The following CTSC variants were observed in gnomAD, a reference collection of about 807,000 sequenced individuals.
CTSC encodes cathepsin C.
A neutral mutation model predicts 40.9 loss-of-function variants in CTSC; 37 were observed. The ratio of observed to expected loss-of-function variants is 0.91; its 90% CI spans 0.70 to 1.19. The LOEUF (loss-of-function observed/expected upper bound fraction) is 1.19. CTSC is among the 50% of genes most tolerant of loss of function. The pLI is 0.00. For missense variants in CTSC, 594 were observed against 567.3 expected (o/e 1.05, Z -0.48); for synonymous variants, 232 against 207.4 (o/e 1.12, Z -1.02).
chr11:88,336,784 T>C (rs542277039), intron 1 of CTSC, among the ~76,000 whole-genome samples: 54 of 152,258 alleles, frequency 3.5e-4, no homozygotes, highest in Middle Eastern at 3.4e-3. Context: ...TTCTTTGTTC[T>C]AGGGGTAACC....
intron 2 of CTSC, among the ~76,000 whole-genome samples, chr11:88,334,060 TATC>T (rs1938429665): frequency 6.6e-6 from 1 of 152,264 alleles, no homozygotes; most frequent in Non-Finnish European, 1.5e-5. Flanking sequence ...CTTTGTCTTT[TATC>T]ATATTTAACA....
At chr11:88,299,797 C>T (rs1270596083) in intron 5 of CTSC, 1 of 152,258 alleles carries the variant, frequency 6.6e-6, no homozygotes, top group East Asian at 1.9e-4. Context: ...AGTAATAAAA[C>T]TGAGTATTGC....
intron 1 of CTSC, among the ~76,000 whole-genome samples, chr11:88,336,764 C>T (rs1305258274): frequency 2.0e-5 from 3 of 152,068 alleles, no homozygotes; most frequent in Admixed American, 2.0e-4. Flanking sequence ...ACCCCACCCC[C>T]TTCACTAGGT....
chr11:88,327,556 A>G (rs1938226696), intron 2 of CTSC, among the ~76,000 whole-genome samples: 4 of 152,220 alleles, frequency 2.6e-5, no homozygotes, highest in Admixed American at 2.6e-4. Context: ...TAAAGAGTGA[A>G]TAAGATTCTC....
At chr11:88,317,962 A>C (rs1259157800) in intron 2 of CTSC, among the ~76,000 whole-genome samples, 1 of 152,190 alleles carries the variant, frequency 6.6e-6, no homozygotes, top group Non-Finnish European at 1.5e-5. Context: ...CACATTCTCA[A>C]AATATCCCTT....
rs753359308 is a variant in CTSC, at chr11:88,296,302, C to A, written c.758-38G>T. 1.2e-5 allele frequency: 20 copies of A among 1,611,660 alleles called. No homozygotes were observed. The South Asian group carries it at 1.5e-4, about 12-fold the overall frequency. ...AAAAGACACATAATCCAAGAGACAT[C>A]TGAAGCCTCACAGAGAATCATGCAA... On this transcript the variant is annotated intron_variant, in intron 5 of 6. Coordinates refer to ENST00000227266, the MANE Select transcript of CTSC (RefSeq NM_001814.6).
intron 1 of CTSC, among the ~76,000 whole-genome samples, chr11:88,336,001 C>A (rs534364223): frequency 3.9e-5 from 6 of 152,070 alleles, no homozygotes; most frequent in Non-Finnish European, 7.4e-5. Context: ...AGGAATGATA[C>A]GTTTAACCTT....
rs1320599397 is a variant in CTSC at position 88,302,683 on chromosome 11, C to A, written c.642-2038G>T. ...ATGACAAAATGGAACTGAGATGAAA[C>A]AAAGAGAAAAACAACAACGATTTCT... On this transcript the variant is annotated intron_variant, in intron 4 of 6. Coordinates refer to ENST00000227266, the MANE Select transcript of CTSC (RefSeq NM_001814.6). Among the ~76,000 whole-genome samples, 10 of 124,082 alleles carry A rather than the reference C, an allele frequency of 8.1e-5. No individual in the cohort carries two copies. The East Asian group carries it at 2.1e-3, about 26-fold the overall frequency. The allele number at this position is 124,082 out of a possible 152,430, so 81.4% of individuals were successfully genotyped here. A position where few individuals can be genotyped will look rare whatever the true frequency, so the allele number is the denominator to read the frequency against.
At chr11:88,336,790 T>G (rs1393470204) in intron 1 of CTSC, among the ~76,000 whole-genome samples, 1 of 152,106 alleles carries the variant, frequency 6.6e-6, no homozygotes, top group Non-Finnish European at 1.5e-5. Context: ...GTTCTAGGGG[T>G]AACCATGTTA....
chr11:88,296,039 T>A, intron 6 of CTSC, 94 bp downstream of exon 6: 4 of 1,322,934 alleles, frequency 3.0e-6, no homozygotes, highest in Non-Finnish European at 4.4e-6. Context: ...GACACTGCGC[T>A]CTCTCTACTG....
intron 2 of CTSC, chr11:88,322,032 A>T (rs185352247): frequency 1.3e-5 from 2 of 152,238 alleles, no homozygotes; most frequent in East Asian, 3.9e-4. Context: ...CTTCATGTTT[A>T]TTGGCCACAT....
intron 4 of CTSC, among the ~76,000 whole-genome samples, chr11:88,302,906 C>T (rs1300397901): frequency 6.6e-6 from 1 of 151,982 alleles, no homozygotes; most frequent in Non-Finnish European, 1.5e-5. Context: ...TAACAAGTTA[C>T]AGTAATGCTA....
intron 4 of CTSC, among the ~76,000 whole-genome samples, chr11:88,302,103 A>G (rs1300918847): frequency 6.6e-6 from 1 of 152,154 alleles, no homozygotes; most frequent in Non-Finnish European, 1.5e-5. Context: ...CACTAGTCAC[A>G]ATGTGGTAAA....
chr11:88,312,564 A>G lies in CTSC; in HGVS notation c.319-10T>C, dbSNP rs1392083951. The G allele has an allele frequency of 1.2e-6, 2 of 1,613,934 alleles. No individual in the cohort carries two copies. The highest frequency in any genetic ancestry group is 4.5e-5 in the East Asian group (2 of 44,896). ...TGCCCTCTTCTTTATACTGCAAACA[A>G]ATAAGAGAAAAGAAAACCAAGTAAA... On this transcript the variant is annotated splice_polypyrimidine_tract_variant and intron_variant, in intron 2 of 6. Coordinates refer to ENST00000227266, the MANE Select transcript of CTSC (RefSeq NM_001814.6).
chr11:88,333,739 T>C (rs1440691428), intron 2 of CTSC, among the ~76,000 whole-genome samples: 2 of 152,224 alleles, frequency 1.3e-5, no homozygotes, highest in African/African-American at 4.8e-5. Context: ...ATACTAAAAA[T>C]AGTTAACAAC....
Position 88,294,255 on chromosome 11 carries a change from G to A in CTSC, c.1143C>T (p.Leu381=), listed in dbSNP as rs1944273853. The A allele has an allele frequency of 5.6e-6, 9 of 1,613,900 alleles. No individual in the cohort carries two copies. The highest frequency in any genetic ancestry group is 7.6e-6 in the Non-Finnish European group (9 of 1,180,020). ...GGTGGTAGATCCCCTTTTTGTAGTG[G>A]AGGAAGTCATCATATACTTCAAAAG... ...AVAFEVYDDF[L]HYKKGIYHHT... Residue 381 remains leucine, a synonymous_variant, in exon 7 of 7, where the codon CTC becomes CTT. Coordinates refer to ENST00000227266, the MANE Select transcript of CTSC (RefSeq NM_001814.6).
chr11:88,328,310 C>G, intron 2 of CTSC: 2 of 764,346 alleles, frequency 2.6e-6, no homozygotes, highest in Non-Finnish European at 4.6e-6. Context: ...TGATACTTTT[C>G]CTCCACTGAA....
chr11:88,306,689 A>G (rs2134779037), intron 4 of CTSC, among the ~76,000 whole-genome samples: 1 of 152,320 alleles, frequency 6.6e-6, no homozygotes, highest in East Asian at 1.9e-4. Flanking sequence ...CCACCACTCA[A>G]TAAAACCTTG....
rs573409004 is a variant in CTSC at position 88,309,198 on chromosome 11, A to G, written c.606T>C (p.Ile202=). 6.2e-7 allele frequency: 1 copy of G among 1,614,030 alleles called. No individual in the cohort carries two copies. Among genetic ancestry groups the G allele is most frequent in the Non-Finnish European group, 8.5e-7 (1 of 1,179,940 alleles). The change falls in exon 4 of 7, where the codon ATT becomes ATC. Residue 202 remains isoleucine (I), a synonymous_variant. Transcript: ENST00000227266. The part of the protein sequence containing the change: ...EYETLTLGDM[I]RRSGGHSRKI... Reference sequence around the variant, plus strand: ...TTCGACTGTGGCCACCACTTCTCCTAATCATATCTCCCAGGGTAAGAGTCT... The same window carrying G: ...TTCGACTGTGGCCACCACTTCTCCTGATCATATCTCCCAGGGTAAGAGTCT...
Sources: gnomAD v4.1 joint callset for allele counts (sites outside exome capture counted in the v4.1 genomes callset) on GRCh38, gnomAD v4.1.1 for gene constraint, MANE v1.5 for transcripts, NCBI Gene and HGNC (gene_info 2026-07-23, HGNC 2026-07-21) for gene names.